JMJD1C: variants seen among roughly 807,000 people sequenced by gnomAD.
JMJD1C encodes jumonji domain containing 1C.
JMJD1C carries 31 observed loss-of-function variants against 245.3 expected under a neutral mutation model. The observed-to-expected ratio is 0.13, with a 90% CI of 0.09 to 0.17. The LOEUF is 0.17. Among genes scored for constraint, JMJD1C ranks in the 10% least tolerant of loss-of-function variants. The probability of loss-of-function intolerance (pLI) is 1.00; values close to 1 mark genes in which losing one functional copy is unlikely to be tolerated. For missense variants in JMJD1C, 2,691 were observed against 3,000.2 expected, an observed-to-expected ratio of 0.90 and a Z score of 2.41; for synonymous variants, 1,057 against 1,017.4, an observed-to-expected ratio of 1.04 and a Z score of -0.74.
intron 1 of JMJD1C, among the ~76,000 whole-genome samples, chr10:63,407,000 G>GA (rs959226169): frequency 6.6e-5 from 10 of 151,028 alleles, no homozygotes; most frequent in East Asian, 3.9e-4. Context: ...TAACTTAGTG[G>GA]AAAAAAAAAG....
At chr10:63,292,164 G>GTT (rs1858854821) in intron 2 of JMJD1C, among the ~76,000 whole-genome samples, 1 of 5,028 alleles carries the variant, frequency 2.0e-4, no homozygotes, top group African/African-American at 1.0e-3. Context: ...TTTTTTTTTT[G>GTT]CCTAGGCTGG....
chr10:63,401,047 C>A (rs529813186), intron 1 of JMJD1C, among the ~76,000 whole-genome samples: 1 of 151,318 alleles, frequency 6.6e-6, no homozygotes, highest in African/African-American at 2.4e-5. Flanking sequence ...TTAGTAGAGA[C>A]GAAGTTTCGC....
intron 1 of JMJD1C, among the ~76,000 whole-genome samples, chr10:63,509,456 C>CTA (rs1954812260): frequency 6.6e-6 from 1 of 152,158 alleles, no homozygotes. Flanking sequence ...CTACTTCTGT[C>CTA]TTCTGGAAAA....
intron 1 of JMJD1C, among the ~76,000 whole-genome samples, 184 bp from the exon 2 acceptor site, chr10:63,380,666 G>A (rs1177395094): frequency 6.6e-6 from 1 of 152,150 alleles, no homozygotes; most frequent in Non-Finnish European, 1.5e-5. Flanking sequence ...TATCATTTGT[G>A]TTAGAAACAT....
chr10:63,193,718 G>A (rs1340909264), intron 14 of JMJD1C: 1 of 263,072 alleles, frequency 3.8e-6, no homozygotes, highest in Non-Finnish European at 7.1e-6. Context: ...CCAGGCTGGA[G>A]TGCAGTGGCG....
chr10:63,204,616 G>C, intron 10 of JMJD1C: 1 of 985,404 alleles, frequency 1.0e-6, no homozygotes, highest in Non-Finnish European at 1.2e-6. Flanking sequence ...CATGGGGGTA[G>C]TGAGGGAGAG....
intron 2 of JMJD1C, among the ~76,000 whole-genome samples, chr10:63,289,479 C>T (rs1257191410): frequency 6.6e-6 from 1 of 152,044 alleles, no homozygotes; most frequent in African/African-American, 2.4e-5. Context: ...AACTTAAACA[C>T]CTTTGGGAGT....
At chr10:63,218,880 A>G (rs1356077378) in intron 4 of JMJD1C, among the ~76,000 whole-genome samples, 2 of 152,190 alleles carry the variant, frequency 1.3e-5, no homozygotes, top group African/African-American at 4.8e-5. Flanking sequence ...CGTTTATAAG[A>G]CAAATGAAAA....
At chr10:63,234,797 T>A (rs577084783) in intron 3 of JMJD1C, among the ~76,000 whole-genome samples, 1 of 151,758 alleles carries the variant, frequency 6.6e-6, no homozygotes, top group South Asian at 2.1e-4. Context: ...AAATAAAAAA[T>A]AACAATGCTA....
intron 2 of JMJD1C, among the ~76,000 whole-genome samples, chr10:63,374,072 C>T (rs1320784056): frequency 6.6e-6 from 1 of 152,142 alleles, no homozygotes; most frequent in African/African-American, 2.4e-5. Context: ...ATTGCATAGA[C>T]TTTAAAATAA....
intron 2 of JMJD1C, among the ~76,000 whole-genome samples, chr10:63,357,725 A>G (rs1388037878): frequency 3.3e-5 from 5 of 152,130 alleles, no homozygotes; most frequent in Non-Finnish European, 5.9e-5. Context: ...CATAATGCTT[A>G]GCCAACAGTA....
At chr10:63,448,048 A>G (rs1349903045) in intron 1 of JMJD1C, among the ~76,000 whole-genome samples, 1 of 152,178 alleles carries the variant, frequency 6.6e-6, no homozygotes, top group Non-Finnish European at 1.5e-5. Context: ...TAAAAATAAA[A>G]AAAGACATTA....
intron 2 of JMJD1C, among the ~76,000 whole-genome samples, chr10:63,350,371 A>G (rs1399863338): frequency 6.6e-6 from 1 of 152,222 alleles, no homozygotes; most frequent in East Asian, 1.9e-4. Flanking sequence ...TGCTGATTAA[A>G]TACCAACTAC....
chr10:63,317,504 T>A (rs371252292), intron 2 of JMJD1C, among the ~76,000 whole-genome samples: 1 of 152,064 alleles, frequency 6.6e-6, no homozygotes, highest in South Asian at 2.1e-4. Context: ...TCTCTACTGA[T>A]TAATCAACTT....
chr10:63,190,785 G>T, intron 17 of JMJD1C, 109 bp downstream of exon 17: 1 of 764,564 alleles, frequency 1.3e-6, no homozygotes, highest in Non-Finnish European at 2.2e-6. Flanking sequence ...CTAGCAATTT[G>T]GTACACTTGA....
chr10:63,261,824 C>T (rs1854798083), intron 3 of JMJD1C, among the ~76,000 whole-genome samples: 2 of 152,062 alleles, frequency 1.3e-5, no homozygotes, highest in South Asian at 4.1e-4. Flanking sequence ...GAATAAAATG[C>T]TGAGAAATCA....
chr10:63,447,709 G>A (rs1951798160), intron 1 of JMJD1C, among the ~76,000 whole-genome samples: 1 of 151,902 alleles, frequency 6.6e-6, no homozygotes, highest in African/African-American at 2.4e-5. Context: ...AGCAGTATAA[G>A]TGCATTGTCC....
At chr10:63,258,835 A>G (rs946017904) in intron 3 of JMJD1C, among the ~76,000 whole-genome samples, 1 of 152,236 alleles carries the variant, frequency 6.6e-6, no homozygotes, top group Non-Finnish European at 1.5e-5. Context: ...ACTTTTATCA[A>G]CTTTAAAAAA....
At chr10:63,172,743 G>A (rs959315965) in intron 24 of JMJD1C, among the ~76,000 whole-genome samples, 3 of 151,232 alleles carry the variant, frequency 2.0e-5, no homozygotes, top group Non-Finnish European at 4.4e-5. Context: ...CTAAAAAAGT[G>A]TAAAGAAGCA....
Sources: gnomAD v4.1 joint callset for allele counts (sites outside exome capture counted in the v4.1 genomes callset) on GRCh38, gnomAD v4.1.1 for gene constraint, MANE v1.5 for transcripts, NCBI Gene and HGNC (gene_info 2026-07-23, HGNC 2026-07-21) for gene names.